EIF2AK4: variants seen among roughly 807,000 people sequenced by gnomAD.
EIF2AK4 encodes the protein eukaryotic translation initiation factor 2 alpha kinase 4, also known as eIF-2-alpha kinase GCN2.
In EIF2AK4, 139 loss-of-function variants were observed where a neutral mutation model predicts 211.1. The ratio of observed to expected loss-of-function variants is 0.66; its 90% confidence interval spans 0.57 to 0.76. The LOEUF is 0.76. Ranked by LOEUF, EIF2AK4 falls within the 30% of genes least tolerant of loss-of-function variation. EIF2AK4 has a pLI of 0.00. For missense variants in EIF2AK4, 1,664 were observed against 2,043.8 expected, an observed-to-expected ratio of 0.81 and a Z score of 3.58; for synonymous variants, 710 against 751.3, an observed-to-expected ratio of 0.94 and a Z score of 0.90.
At chr15:39,952,882 C>G (rs1355663635) in intron 4 of EIF2AK4, among the ~76,000 whole-genome samples, 2 of 152,074 alleles carry the variant, frequency 1.3e-5, no homozygotes, top group African/African-American at 4.8e-5. Flanking sequence ...GAGTCTTGCT[C>G]TGTTGCCCAG....
intron 18 of EIF2AK4, among the ~76,000 whole-genome samples, chr15:39,995,900 C>G (rs571754531): frequency 1.3e-5 from 2 of 152,182 alleles, no homozygotes; most frequent in Non-Finnish European, 2.9e-5. Context: ...TAGCAAACCT[C>G]AAGAATACAA....
intron 4 of EIF2AK4, chr15:39,951,467 CA>C (rs1566983261): frequency 9.9e-6 from 4 of 405,112 alleles, no homozygotes; most frequent in Admixed American, 6.1e-5. Context: ...TTGGTGTTTT[CA>C]AAAAGGCCAA....
intron 3 of EIF2AK4, among the ~76,000 whole-genome samples, chr15:39,944,772 G>A (rs1230866862): frequency 6.6e-6 from 1 of 152,096 alleles, no homozygotes; most frequent in East Asian, 1.9e-4. Flanking sequence ...AGGTGCCCTC[G>A]GCTTCCATGT....
At chr15:39,969,760 T>C (rs2034598413) in intron 9 of EIF2AK4, among the ~76,000 whole-genome samples, 1 of 152,228 alleles carries the variant, frequency 6.6e-6, no homozygotes, top group Non-Finnish European at 1.5e-5. Context: ...TGCCAAGAAC[T>C]GTTTTTATGA....
At chr15:39,942,158 C>A (rs1197751022) in intron 2 of EIF2AK4, among the ~76,000 whole-genome samples, 1 of 151,880 alleles carries the variant, frequency 6.6e-6, no homozygotes, top group Admixed American at 6.6e-5. Flanking sequence ...GGGTAATATT[C>A]TTATCCTTTT....
intron 13 of EIF2AK4, among the ~76,000 whole-genome samples, chr15:39,978,743 T>G (rs2412453): frequency 0.61 from 92,770 of 151,840 alleles, 28,691 homozygotes; most frequent in Middle Eastern, 0.67. Context: ...ATCTCATAAT[T>G]TTTTTTTGAG....
At chr15:39,940,752 C>T (rs2034134214) in intron 2 of EIF2AK4, among the ~76,000 whole-genome samples, 1 of 151,902 alleles carries the variant, frequency 6.6e-6, no homozygotes, top group Admixed American at 6.6e-5. Context: ...TCCAGTAGTT[C>T]AGTTCAATTC....
At chr15:39,999,770 T>G (rs1467562478) in intron 20 of EIF2AK4, among the ~76,000 whole-genome samples, 1 of 152,222 alleles carries the variant, frequency 6.6e-6, no homozygotes, top group Non-Finnish European at 1.5e-5. Flanking sequence ...CTTCTTTTGG[T>G]AGCTATTATT....
In EIF2AK4 at chr15:39,981,870, A is replaced by C. The variant is rs912063669; in HGVS notation, c.2319+3723A>C. 3.3e-5 allele frequency among the ~76,000 whole-genome samples: 5 copies of C among 150,620 alleles called. No individual in the cohort carries two copies. The South Asian group carries it at 1.0e-3, about 32-fold the overall frequency. On this transcript the variant is annotated intron_variant, in intron 13 of 38. Coordinates refer to ENST00000263791, the MANE Select transcript of EIF2AK4 (RefSeq NM_001013703.4). ...TTCACTGTAAGTGGCAGCTGAGGGC[A>C]TGTTCTTCAAGCATGTACCTCTGAG...
intron 26 of EIF2AK4, among the ~76,000 whole-genome samples, chr15:40,010,324 T>C (rs1403228783): frequency 6.6e-6 from 1 of 152,192 alleles, no homozygotes; most frequent in Admixed American, 6.5e-5. Flanking sequence ...TTTGCATTGA[T>C]TGAATTAAGG....
intron 1 of EIF2AK4, 38 bp from the exon 2 acceptor site, chr15:39,939,467 A>G (rs2034113536): frequency 2.7e-6 from 4 of 1,490,830 alleles, no homozygotes; most frequent in African/African-American, 2.8e-5. Flanking sequence ...TTGGCTCTAC[A>G]GCTTTGAAAA....
intron 26 of EIF2AK4, among the ~76,000 whole-genome samples, chr15:40,010,486 G>A (rs16970181): frequency 0.044 from 6,687 of 152,150 alleles, 507 homozygotes; most frequent in African/African-American, 0.15. Flanking sequence ...ACTGGAAGGG[G>A]ACGCATTGAA....
At chr15:39,977,509 C>T (rs998041048) in intron 12 of EIF2AK4, 26 of 152,220 alleles carry the variant, frequency 1.7e-4, no homozygotes, top group Middle Eastern at 3.4e-3. Flanking sequence ...CTGTCCATGG[C>T]CTGGAGGTTT....
Position 39,934,149 on chromosome 15 carries a change from C to G in EIF2AK4, c.-47C>G, listed in dbSNP as rs2034025940. ...CCCCGCCCCGCAGGCTGCCGGGGGC[C>G]CACCGCCGCCCAGGCAAGGCCGCCC... On this transcript the variant is annotated 5_prime_UTR_variant, in exon 1 of 39. Coordinates refer to ENST00000263791, the MANE Select transcript of EIF2AK4 (RefSeq NM_001013703.4). The G allele has an allele frequency of 1.6e-6, 2 of 1,266,918 alleles. No homozygotes were observed. Among genetic ancestry groups the G allele is most frequent in the African/African-American group, 1.6e-5 (1 of 62,200 alleles). 78.5% of individuals were successfully genotyped at this position (1,266,918 alleles called of 1,614,324 possible).
intron 29 of EIF2AK4, 133 bp from the exon 30 acceptor site, chr15:40,018,960 C>A: frequency 1.5e-6 from 1 of 682,664 alleles, no homozygotes; most frequent in Non-Finnish European, 2.5e-6. Flanking sequence ...TTTTACTACA[C>A]ACACACATTT....
At chr15:39,998,259 T>G (rs1235549235) in intron 19 of EIF2AK4, among the ~76,000 whole-genome samples, 7 of 124,762 alleles carry the variant, frequency 5.6e-5, no homozygotes, top group Admixed American at 1.6e-4. Context: ...TGGGTGTGGT[T>G]TTTTTTTTTT....
chr15:40,025,481 A>T (rs947414617), intron 32 of EIF2AK4, among the ~76,000 whole-genome samples: 1 of 152,180 alleles, frequency 6.6e-6, no homozygotes, highest in African/African-American at 2.4e-5. Flanking sequence ...GGGAGTGAAG[A>T]TGAAGGGACA....
rs2140952842 is a variant in EIF2AK4 at position 40,032,809 on chromosome 15, A to G, written c.4773+8A>G. 6.2e-7 allele frequency: 1 copy of G among 1,612,816 alleles called. No homozygotes were observed. The highest frequency in any genetic ancestry group is 8.5e-7 in the Non-Finnish European group (1 of 1,179,406). ...CAGTTTTTATCATTAGAGGTAAGCA[A>G]TATGAACTCTTCTGCACTGTGGCCT... On this transcript the variant is annotated splice_region_variant and intron_variant, in intron 37 of 38. Transcript: ENST00000263791.
chr15:39,968,992 C>A (rs2034583707), intron 9 of EIF2AK4, among the ~76,000 whole-genome samples: 1 of 151,838 alleles, frequency 6.6e-6, no homozygotes, highest in South Asian at 2.1e-4. Flanking sequence ...CTAAAGAAAT[C>A]TTTTATGGTA....
Sources: gnomAD v4.1 joint callset for allele counts (sites outside exome capture counted in the v4.1 genomes callset) on GRCh38, gnomAD v4.1.1 for gene constraint, MANE v1.5 for transcripts, NCBI Gene and HGNC (gene_info 2026-07-23, HGNC 2026-07-21) for gene names.